PCLAF: variants seen among roughly 807,000 people sequenced by gnomAD.
PCLAF encodes PCNA clamp associated factor.
A neutral mutation model predicts 15.1 loss-of-function variants in PCLAF; 12 were observed. The observed-to-expected ratio is 0.79, with a 90% CI of 0.51 to 1.29. The LOEUF is 1.29. PCLAF is among the 50% of genes most tolerant of loss of function. PCLAF has a pLI of 0.00. For missense variants in PCLAF, 116 were observed against 130.9 expected, an observed-to-expected ratio of 0.89 and a Z score of 0.56; for synonymous variants, 33 against 47.1, an observed-to-expected ratio of 0.70 and a Z score of 1.22.
chr15:64,381,379 C>G lies in PCLAF; in HGVS notation c.-8G>C. ...TGCTTTAGTCCGCACCATGTTCAAA[C>G]AAGAAGAGAGGAGAGGAGAGAACGA... On this transcript the variant is annotated 5_prime_UTR_variant, in exon 1 of 4. Transcript: ENST00000300035. 2 of 1,614,140 alleles carry G rather than the reference C, an allele frequency of 1.2e-6. No homozygotes were observed. Among genetic ancestry groups the G allele is most frequent in the Non-Finnish European group, 1.7e-6 (2 of 1,180,030 alleles).
chr15:64,366,611 G>C (rs1810163441), intron 3 of PCLAF, among the ~76,000 whole-genome samples: 1 of 152,112 alleles, frequency 6.6e-6, no homozygotes, highest in South Asian at 2.1e-4. Flanking sequence ...GATGAGGCAG[G>C]AGGATTGCTT....
intron 3 of PCLAF, among the ~76,000 whole-genome samples, chr15:64,367,660 G>C (rs1899103530): frequency 6.6e-6 from 1 of 151,508 alleles, no homozygotes; most frequent in East Asian, 2.0e-4. Flanking sequence ...CGATTCTCCT[G>C]CCTTAGCCTC....
chr15:64,387,578 G>T, exon 1 of PCLAF: 1 of 1,368,140 alleles, frequency 7.3e-7, no homozygotes, highest in Non-Finnish European at 9.5e-7. Flanking sequence ...CACTTGCACT[G>T]TCTTCTTAGC....
At chr15:64,377,488 A>AAAAAAAT (rs1555407636) in intron 2 of PCLAF, among the ~76,000 whole-genome samples, 2 of 29,318 alleles carry the variant, frequency 6.8e-5, no homozygotes, top group African/African-American at 2.9e-4. Context: ...AAAAAAAAAA[A>AAAAAAAT]ATATATATAT....
upstream of PCLAF, among the ~76,000 whole-genome samples, chr15:64,385,093 T>C (rs971907471): frequency 6.6e-6 from 1 of 152,006 alleles, no homozygotes; most frequent in African/African-American, 2.4e-5. Context: ...TCTCCTGATA[T>C]TGCCCAGACT....
At chr15:64,373,711 T>C in intron 3 of PCLAF, 1 of 1,535,720 alleles carries the variant, frequency 6.5e-7, no homozygotes. Flanking sequence ...TTTGGATCAG[T>C]GTGCCGTGTG....
At chr15:64,375,273 T>C (rs989929576) in intron 3 of PCLAF, among the ~76,000 whole-genome samples, 1 of 152,096 alleles carries the variant, frequency 6.6e-6, no homozygotes, top group Admixed American at 6.6e-5. Flanking sequence ...TACAGGCACG[T>C]GCCACCACGC....
At chr15:64,372,433 T>C (rs1264297309) in intron 3 of PCLAF, among the ~76,000 whole-genome samples, 2 of 150,826 alleles carry the variant, frequency 1.3e-5, no homozygotes, top group Non-Finnish European at 3.0e-5. Flanking sequence ...GCTAACATGG[T>C]GAAACCCCGT....
In PCLAF at chr15:64,369,238, A is replaced by G. The variant is rs551730059; in HGVS notation, c.291-3163T>C. On this transcript the variant is annotated intron_variant, in intron 3 of 3. Coordinates refer to ENST00000300035, the MANE Select transcript of PCLAF (RefSeq NM_014736.6). Reference sequence around the variant, plus strand: ...TAGCCAGGAGCAATGGCATGCATCTATAGTCCCAGCTACTCAGGAGGCTGA... The same window carrying G: ...TAGCCAGGAGCAATGGCATGCATCTGTAGTCCCAGCTACTCAGGAGGCTGA... Among the ~76,000 whole-genome samples the G allele has an allele frequency of 5.9e-5, 9 of 151,990 alleles. 1 individual carries two copies. Among genetic ancestry groups the G allele is most frequent in the African/African-American group, 1.9e-4 (8 of 41,462 alleles).
At chr15:64,387,552 C>T in exon 1 of PCLAF, 1 of 1,336,400 alleles carries the variant, frequency 7.5e-7, no homozygotes, top group African/African-American at 1.5e-5. Flanking sequence ...TCCCCCTAAA[C>T]TGTCGTTTTT....
At chr15:64,376,703 G>A (rs1369539973) in intron 3 of PCLAF, 40 bp downstream of exon 3, 1 of 1,544,904 alleles carries the variant, frequency 6.5e-7, no homozygotes, top group East Asian at 2.3e-5. Flanking sequence ...ACAGGCGTGA[G>A]ATAAATATTT....
At chr15:64,370,845 T>G (rs988046462) in intron 3 of PCLAF, among the ~76,000 whole-genome samples, 18 of 150,540 alleles carry the variant, frequency 1.2e-4, no homozygotes, top group Admixed American at 4.0e-4. Context: ...TTTTTTTTTT[T>G]TTTTTTTTTT....
In PCLAF at chr15:64,373,689, T is replaced by A. The variant is rs913265802; in HGVS notation, c.290+3054A>T. 2.0e-6 allele frequency: 3 copies of A among 1,534,554 alleles called. No individual in the cohort carries two copies. The African/African-American group carries it at 4.1e-5, about 21-fold the overall frequency. On this transcript the variant is annotated intron_variant, in intron 3 of 3. Transcript: ENST00000300035. ...AGACCCAGAATGAGCATCGCCACCA[T>A]CCCCTTACCCATTTGGATCAGTGTG...
intron 2 of PCLAF, among the ~76,000 whole-genome samples, chr15:64,379,328 T>C (rs1325992996): frequency 6.6e-6 from 1 of 151,776 alleles, no homozygotes; most frequent in Non-Finnish European, 1.5e-5. Context: ...AACACAAAAA[T>C]TAGGCGGGCG....
chr15:64,378,068 C>G (rs1312066600), intron 2 of PCLAF, among the ~76,000 whole-genome samples: 1 of 149,488 alleles, frequency 6.7e-6, no homozygotes, highest in Non-Finnish European at 1.5e-5. Context: ...GCAGTTGGGA[C>G]TACAGGCGCC....
At chr15:64,366,178 T>A in intron 3 of PCLAF, 103 bp from the exon 4 acceptor site, 1 of 744,278 alleles carries the variant, frequency 1.3e-6, no homozygotes, top group Non-Finnish European at 2.2e-6. Flanking sequence ...AACAGTGCAG[T>A]AGATCTGGTC....
intron 2 of PCLAF, 145 bp downstream of exon 2, chr15:64,380,813 G>C (rs1038279070): frequency 3.2e-6 from 2 of 633,646 alleles, no homozygotes; most frequent in African/African-American, 3.7e-5. Flanking sequence ...TACCCTAGCC[G>C]GCCAAAAGGC....
chr15:64,386,122 G>T (rs1312203376), upstream of PCLAF, among the ~76,000 whole-genome samples: 1 of 151,942 alleles, frequency 6.6e-6, no homozygotes, highest in East Asian at 1.9e-4. Flanking sequence ...AAATAAACAG[G>T]TAAATGACTT....
upstream of PCLAF, among the ~76,000 whole-genome samples, chr15:64,383,361 TTG>T (rs968647230): frequency 6.6e-6 from 1 of 151,476 alleles, no homozygotes; most frequent in Non-Finnish European, 1.5e-5. Context: ...AGTGGTTTTT[TTG>T]TGTGTGTGTT....
Sources: gnomAD v4.1 joint callset for allele counts (sites outside exome capture counted in the v4.1 genomes callset) on GRCh38, gnomAD v4.1.1 for gene constraint, MANE v1.5 for transcripts, NCBI Gene and HGNC (gene_info 2026-07-23, HGNC 2026-07-21) for gene names.